The following RCOR2 variants were observed in gnomAD, a reference collection of about 807,000 sequenced individuals.
The protein encoded by RCOR2 is REST corepressor 2.
RCOR2 carries 19 observed loss-of-function variants against 58.9 expected under a neutral mutation model. The ratio of observed to expected loss-of-function variants is 0.32; its 90% confidence interval spans 0.23 to 0.47. The LOEUF (loss-of-function observed/expected upper bound fraction) is 0.47. Ranked by LOEUF, RCOR2 falls within the 20% of genes least tolerant of loss-of-function variation. The pLI is 1.00. For missense variants in RCOR2, 590 were observed against 707.9 expected, an observed-to-expected ratio of 0.83 and a Z score of 1.89; for synonymous variants, 286 against 278.7, an observed-to-expected ratio of 1.03 and a Z score of -0.26.
chr11:63,914,852 C>A (rs1426654051), intron 4 of RCOR2, 36 bp from the exon 5 acceptor site: 3 of 1,608,872 alleles, frequency 1.9e-6, no homozygotes, highest in Non-Finnish European at 2.5e-6. Flanking sequence ...GCCTGAGCTG[C>A]CCCGGCACCG....
intron 8 of RCOR2, 68 bp downstream of exon 8, chr11:63,913,886 C>G: frequency 7.0e-7 from 1 of 1,427,350 alleles, no homozygotes; most frequent in Non-Finnish European, 9.9e-7. Context: ...CCTCAGCTCC[C>G]CCTAGACTTC....
At chr11:63,919,190 G>T (rs1941899853), upstream of RCOR2, among the ~76,000 whole-genome samples, 1 of 152,076 alleles carries the variant, frequency 6.6e-6, no homozygotes, top group South Asian at 2.1e-4. Context: ...CGACTGTGGG[G>T]GCCACGGGGT....
the RCOR2 span, among the ~76,000 whole-genome samples, chr11:63,926,787 T>TTG: frequency 0.27 from 40,531 of 147,490 alleles, 7,001 homozygotes; most frequent in Non-Finnish European, 0.38. Flanking sequence ...CTGTTTTTTT[T>TTG]TTTTGTTTTG....
chr11:63,926,849 T>G, the RCOR2 span, among the ~76,000 whole-genome samples: 1 of 149,948 alleles, frequency 6.7e-6, no homozygotes, highest in African/African-American at 2.5e-5. Flanking sequence ...TTTGAGACAG[T>G]CTCACTCTGT....
upstream of RCOR2, among the ~76,000 whole-genome samples, chr11:63,917,643 G>A (rs540960429): frequency 5.3e-5 from 8 of 152,300 alleles, no homozygotes; most frequent in South Asian, 1.2e-3. Flanking sequence ...GGCTGGACAG[G>A]CAAGGAATGA....
At chr11:63,920,632 G>T (rs902162120), upstream of RCOR2, among the ~76,000 whole-genome samples, 2 of 152,192 alleles carry the variant, frequency 1.3e-5, no homozygotes, top group African/African-American at 4.8e-5. Flanking sequence ...TAGGGGGCTG[G>T]GGGGAGGTGC....
chr11:63,915,622 AG>A lies in RCOR2; in HGVS notation c.128-12del. The A allele has an allele frequency of 1.8e-6, 1 of 557,926 alleles. No individual in the cohort carries two copies. Among genetic ancestry groups the A allele is most frequent in the Non-Finnish European group, 2.3e-6 (1 of 425,722 alleles). 34.6% of individuals were successfully genotyped at this position (557,926 alleles called of 1,614,324 possible). A position where few individuals can be genotyped will look rare whatever the true frequency, so the allele number is the denominator to read the frequency against. On this transcript the variant is annotated splice_polypyrimidine_tract_variant and intron_variant, in intron 1 of 11. Transcript: ENST00000301459. ...CGCGGATCATGCTGTCTGTGGAGCC[AG>A]GGGGAGGCAGTCAGGACTCCAGGGA...
upstream of RCOR2, among the ~76,000 whole-genome samples, chr11:63,919,608 G>C (rs1168803456): frequency 6.6e-6 from 1 of 152,216 alleles, no homozygotes; most frequent in African/African-American, 2.4e-5. Flanking sequence ...GGGAGGGAAG[G>C]AGAGGCAGCC....
At chr11:63,926,789 T>TTTG in the RCOR2 span, among the ~76,000 whole-genome samples, 4 of 105,306 alleles carry the variant, frequency 3.8e-5, no homozygotes, top group African/African-American at 1.6e-4. Flanking sequence ...GTTTTTTTTT[T>TTTG]TTGTTTTGTT....
At chr11:63,925,800 C>A in the RCOR2 span, among the ~76,000 whole-genome samples, 250 of 134,214 alleles carry the variant, frequency 1.9e-3, no homozygotes, top group Middle Eastern at 3.8e-3. Flanking sequence ...GACCCTGTCT[C>A]AAAAAAAAAA....
rs1274599022 is a variant in RCOR2 at position 63,917,080 on chromosome 11, C to T, written c.-624G>A. ...GCCGCGGGTGCCGCCTCGCACCCTC[C>T]CCGGCGCGCTCGCTCTCCCCGCCGC... On this transcript the variant is annotated 5_prime_UTR_variant, in exon 1 of 12. Transcript: ENST00000301459. 6.6e-6 allele frequency among the ~76,000 whole-genome samples: 1 copy of T among 150,800 alleles called. No homozygotes were observed. Among genetic ancestry groups the T allele is most frequent in the African/African-American group, 2.4e-5 (1 of 41,274 alleles).
At position 63,914,765 on chromosome 11, in the gene RCOR2, C is replaced by T. The variant is rs1941832294; in HGVS notation, c.370G>A (p.Asp124Asn). Residue 124 changes from aspartate to asparagine, a missense_variant, in exon 5 of 12, where the codon GAC (aspartate) becomes AAC (asparagine). Coordinates refer to ENST00000301459, the MANE Select transcript of RCOR2 (RefSeq NM_173587.4). ...GGGAATGGGGTGAAGTTGGCCAGGT[C>T]GGCCAGCGACTTCTCCACATCGTGC... ...HKHDVEKSLA[D>N]LANFTPFPDE... 3 of 1,612,838 alleles carry T rather than the reference C, an allele frequency of 1.9e-6. No individual in the cohort carries two copies. The highest frequency in any genetic ancestry group is 2.5e-6 in the Non-Finnish European group (3 of 1,179,410).
the RCOR2 span, among the ~76,000 whole-genome samples, chr11:63,926,077 T>C: frequency 3.3e-5 from 5 of 151,864 alleles, no homozygotes; most frequent in Non-Finnish European, 7.4e-5. Context: ...GCCCGGCTAA[T>C]TTTTTGTATT....
At chr11:63,922,716 C>T in the RCOR2 span, among the ~76,000 whole-genome samples, 1 of 152,188 alleles carries the variant, frequency 6.6e-6, no homozygotes, top group Admixed American at 6.5e-5. Context: ...TTCCACGGTT[C>T]CCTATTGCCT....
the RCOR2 span, among the ~76,000 whole-genome samples, chr11:63,924,203 C>A: frequency 6.6e-6 from 1 of 151,828 alleles, no homozygotes; most frequent in Non-Finnish European, 1.5e-5. Flanking sequence ...CCACCATGCC[C>A]GGTCTATTTT....
At chr11:63,918,314 C>T (rs1371739008), upstream of RCOR2, among the ~76,000 whole-genome samples, 21 of 152,208 alleles carry the variant, frequency 1.4e-4, no homozygotes, top group Non-Finnish European at 2.9e-4. Flanking sequence ...CCGCTGCCTG[C>T]GGCCGAGTGG....
At chr11:63,913,186 T>TATATA (rs1941804543) in intron 8 of RCOR2, among the ~76,000 whole-genome samples, 8 of 66,294 alleles carry the variant, frequency 1.2e-4, no homozygotes, top group African/African-American at 3.8e-4. Flanking sequence ...ATATATATAT[T>TATATA]TTTTTTTTTT....
Position 63,914,936 on chromosome 11 carries a change from A to T in RCOR2, c.284T>A (p.Met95Lys). The T allele has an allele frequency of 6.2e-7, 1 of 1,613,970 alleles. No homozygotes were observed. ...GTTGTAGCCATGCTTCTCCTTGGCC[A>T]TCGCAATGTACTTGTCAACTGCAGG... Reference protein sequence around the residue: ...SDAKLDKYIAMAKEKHGYNIE... With the variant: ...SDAKLDKYIAKAKEKHGYNIE... Residue 95 changes from methionine (M) to lysine (K), a missense_variant, in exon 4 of 12, where the codon ATG becomes AAG. Transcript: ENST00000301459.
At chr11:63,917,853 C>G (rs1251328581), upstream of RCOR2, among the ~76,000 whole-genome samples, 4 of 152,126 alleles carry the variant, frequency 2.6e-5, no homozygotes, top group East Asian at 7.7e-4. Flanking sequence ...CCACTGGGTT[C>G]ACTGTCACCC....
Sources: allele counts gnomAD v4.1 joint callset (sites outside exome capture counted in the v4.1 genomes callset), GRCh38; gene constraint gnomAD v4.1.1; transcripts MANE v1.5; gene names NCBI Gene and HGNC (gene_info 2026-07-23, HGNC 2026-07-21).